The following NEK7 variants were observed in gnomAD, a reference collection of about 807,000 sequenced individuals.
The protein encoded by NEK7 is serine/threonine-protein kinase Nek7.
In NEK7, 18 loss-of-function variants were observed where a neutral mutation model predicts 44.6. The ratio of observed to expected loss-of-function variants is 0.40; its 90% CI spans 0.28 to 0.60. The LOEUF is 0.60. NEK7 is among the 20% of genes least tolerant of loss of function. NEK7 has a pLI of 0.38. For missense variants in NEK7, 256 were observed against 366.5 expected, an observed-to-expected ratio of 0.70 and a Z score of 2.46; for synonymous variants, 130 against 121.1, an observed-to-expected ratio of 1.07 and a Z score of -0.48.
chr1:198,280,742 G>A (rs1390640748), intron 7 of NEK7, among the ~76,000 whole-genome samples: 1 of 147,654 alleles, frequency 6.8e-6, no homozygotes, highest in African/African-American at 2.5e-5. Context: ...TATACATTAT[G>A]TATATTTATA....
intron 1 of NEK7, among the ~76,000 whole-genome samples, chr1:198,228,850 A>G (rs1453194401): frequency 1.3e-5 from 2 of 152,120 alleles, no homozygotes; most frequent in African/African-American, 2.4e-5. Context: ...CTAATTAAAT[A>G]TCCTTTATTT....
chr1:198,317,645 C>T (rs1655407415), intron 9 of NEK7, among the ~76,000 whole-genome samples: 1 of 151,940 alleles, frequency 6.6e-6, no homozygotes. Context: ...GTTAGGAAGT[C>T]AAAAAATTGT....
intron 2 of NEK7, among the ~76,000 whole-genome samples, chr1:198,251,223 A>G (rs1397114077): frequency 7.2e-5 from 11 of 151,886 alleles, no homozygotes. Flanking sequence ...CCAGTGATGA[A>G]GCCCACTTGA....
At chr1:198,242,898 G>A (rs988989802) in intron 2 of NEK7, among the ~76,000 whole-genome samples, 6 of 147,244 alleles carry the variant, frequency 4.1e-5, no homozygotes, top group African/African-American at 1.5e-4. Flanking sequence ...TTGAACTTCC[G>A]AGCTCAAGTG....
intron 2 of NEK7, among the ~76,000 whole-genome samples, chr1:198,238,206 A>G (rs1438910363): frequency 2.0e-5 from 3 of 152,052 alleles, no homozygotes; most frequent in Non-Finnish European, 4.4e-5. Context: ...CCCCCCCAGG[A>G]CACTGCTTCC....
At chr1:198,281,784 A>G (rs967291457) in intron 7 of NEK7, among the ~76,000 whole-genome samples, 3 of 152,032 alleles carry the variant, frequency 2.0e-5, no homozygotes, top group Non-Finnish European at 4.4e-5. Context: ...TTGCATTTTC[A>G]ATTGTCTATT....
At chr1:198,238,375 A>T (rs1241709367) in intron 2 of NEK7, among the ~76,000 whole-genome samples, 1 of 152,142 alleles carries the variant, frequency 6.6e-6, no homozygotes, top group Non-Finnish European at 1.5e-5. Flanking sequence ...GAGGAACCAC[A>T]GCTTTGAGGC....
intron 1 of NEK7, among the ~76,000 whole-genome samples, chr1:198,197,477 T>C (rs72751016): frequency 0.046 from 7,037 of 152,346 alleles, 260 homozygotes; most frequent in Middle Eastern, 0.071. Context: ...CATATTTAAG[T>C]GTACAGCTCA....
At chr1:198,312,571 C>T (rs2103038079) in intron 9 of NEK7, among the ~76,000 whole-genome samples, 1 of 152,036 alleles carries the variant, frequency 6.6e-6, no homozygotes, top group East Asian at 1.9e-4. Context: ...CTCTTGTGGG[C>T]ATTTAGTGCT....
chr1:198,197,784 C>T, intron 1 of NEK7: 1 of 716,774 alleles, frequency 1.4e-6, no homozygotes, highest in Admixed American at 1.8e-5. Flanking sequence ...TGTATTCAGT[C>T]AGAGTCACTG....
At chr1:198,231,301 GTATA>G (rs749263549) in intron 1 of NEK7, among the ~76,000 whole-genome samples, 1,148 of 86,802 alleles carry the variant, frequency 0.013, 14 homozygotes, top group Admixed American at 0.017. Flanking sequence ...ATGTGTGTGT[GTATA>G]TATATATATA....
intron 2 of NEK7, among the ~76,000 whole-genome samples, chr1:198,243,566 C>A (rs953050911): frequency 1.3e-5 from 2 of 152,086 alleles, no homozygotes; most frequent in Non-Finnish European, 2.9e-5. Context: ...TTGGTTACAT[C>A]ATTTGGATGT....
intron 9 of NEK7, among the ~76,000 whole-genome samples, chr1:198,315,308 C>CT (rs1350616645): frequency 2.0e-5 from 3 of 152,184 alleles, no homozygotes; most frequent in Admixed American, 2.0e-4. Flanking sequence ...GCATGGTGCG[C>CT]GCACCCACTG....
intron 1 of NEK7, among the ~76,000 whole-genome samples, chr1:198,187,125 G>A (rs903486762): frequency 1.3e-5 from 2 of 152,176 alleles, no homozygotes; most frequent in Admixed American, 6.5e-5. Context: ...GAATTCCACT[G>A]TCAGGGAAAA....
intron 5 of NEK7, among the ~76,000 whole-genome samples, chr1:198,271,770 G>A (rs1653850683): frequency 6.6e-6 from 1 of 151,566 alleles, no homozygotes; most frequent in Non-Finnish European, 1.5e-5. Context: ...TAAGTCTTTT[G>A]TATGAGATCA....
chr1:198,297,669 G>A (rs1385116813), intron 9 of NEK7, among the ~76,000 whole-genome samples: 1 of 152,052 alleles, frequency 6.6e-6, no homozygotes, highest in Admixed American at 6.6e-5. Context: ...CTTCCCTTTC[G>A]TCCATGTTTT....
chr1:198,225,928 C>T (rs1025722810), intron 1 of NEK7, among the ~76,000 whole-genome samples: 2 of 151,962 alleles, frequency 1.3e-5, no homozygotes, highest in African/African-American at 4.8e-5. Context: ...TAATTTGTAG[C>T]AATAATTACT....
chr1:198,232,024 T>C (rs1558068724), intron 1 of NEK7, among the ~76,000 whole-genome samples: 1 of 152,166 alleles, frequency 6.6e-6, no homozygotes, highest in Non-Finnish European at 1.5e-5. Flanking sequence ...CTATGTATAC[T>C]GAATTAATGG....
In NEK7 at chr1:198,231,328, TATATATATAA is replaced by T. The variant is rs1160260075; in HGVS notation, c.-28-1223_-28-1214del. On this transcript the variant is annotated intron_variant, in intron 1 of 9. Coordinates refer to ENST00000367385, the MANE Select transcript of NEK7 (RefSeq NM_133494.3). ...ATATATATATATATATATATATATATATATATATAAAAACACATGATCATTTGGTATATGA... is the reference window on the plus strand; with the variant it reads ...ATATATATATATATATATATATATATAAACACATGATCATTTGGTATATGA... Among the ~76,000 whole-genome samples, 1,231 of 137,138 alleles carry T rather than the reference TATATATATAA, an allele frequency of 9.0e-3. 25 individuals are homozygous for T. Among genetic ancestry groups the T allele is most frequent in the African/African-American group, 0.031 (1,093 of 35,528 alleles). 90.0% of individuals were successfully genotyped at this position (137,138 alleles called of 152,430 possible). A position where few individuals can be genotyped will look rare whatever the true frequency, so the allele number is the denominator to read the frequency against.
Sources: allele counts gnomAD v4.1 joint callset (sites outside exome capture counted in the v4.1 genomes callset), GRCh38; gene constraint gnomAD v4.1.1; transcripts MANE v1.5; gene names NCBI Gene and HGNC (gene_info 2026-07-23, HGNC 2026-07-21).